CDH13: variants seen among roughly 807,000 people sequenced by gnomAD.
CDH13 encodes cadherin-13.
Under a neutral mutation model 63.8 loss-of-function variants are expected in CDH13, and 24 were observed. The observed-to-expected ratio is 0.38, with a 90% CI of 0.27 to 0.53. The LOEUF (loss-of-function observed/expected upper bound fraction) is 0.53. CDH13 is among the 20% of genes least tolerant of loss of function. The pLI, the probability that CDH13 is intolerant of heterozygous loss-of-function variation, is 0.85. For missense variants in CDH13, 1,049 were observed against 903.1 expected, an observed-to-expected ratio of 1.16 and a Z score of -2.07; for synonymous variants, 503 against 355.3, an observed-to-expected ratio of 1.42 and a Z score of -4.67.
intron 7 of CDH13, among the ~76,000 whole-genome samples, chr16:83,554,459 T>C (rs1472103418): frequency 6.6e-6 from 1 of 152,120 alleles, no homozygotes; most frequent in Non-Finnish European, 1.5e-5. Flanking sequence ...AGCATGGCTG[T>C]GAAGGAAGGG....
At chr16:82,645,788 A>G (rs773698194) in intron 1 of CDH13, among the ~76,000 whole-genome samples, 4 of 152,238 alleles carry the variant, frequency 2.6e-5, no homozygotes, top group Non-Finnish European at 4.4e-5. Context: ...CTCTTGGGTA[A>G]ATACGCACTT....
intron 2 of CDH13, among the ~76,000 whole-genome samples, chr16:82,987,072 G>A (rs1911035853): frequency 6.6e-6 from 1 of 152,126 alleles, no homozygotes; most frequent in Admixed American, 6.5e-5. Flanking sequence ...GGCTACTCAG[G>A]AAATGTTTAT....
chr16:82,666,458 C>A lies in CDH13; in HGVS notation c.45+39321C>A, dbSNP rs562756000. On this transcript the variant is annotated intron_variant, in intron 1 of 13. Coordinates refer to ENST00000567109, the MANE Select transcript of CDH13 (RefSeq NM_001257.5). ...TGCTTGTTCCTTCCACATGGAGACCCATACTTGAATACTTGGTGGGTACCT... is the reference window on the plus strand; with the variant it reads ...TGCTTGTTCCTTCCACATGGAGACCAATACTTGAATACTTGGTGGGTACCT... Among the ~76,000 whole-genome samples, 32 of 152,300 alleles carry A rather than the reference C, an allele frequency of 2.1e-4. 1 individual carries two copies. In the South Asian group the frequency reaches 6.0e-3, roughly 29 times the overall value.
intron 10 of CDH13, among the ~76,000 whole-genome samples, chr16:83,719,228 G>C (rs1263019404): frequency 1.3e-5 from 2 of 152,182 alleles, no homozygotes; most frequent in Non-Finnish European, 2.9e-5. Flanking sequence ...AACTTGTCAA[G>C]CTTTGTTCTC....
intron 3 of CDH13, among the ~76,000 whole-genome samples, chr16:83,056,783 C>G (rs901397193): frequency 9.2e-5 from 14 of 152,020 alleles, no homozygotes; most frequent in Non-Finnish European, 1.2e-4. Context: ...CCATGCTGTT[C>G]TCGTGATAGT....
intron 6 of CDH13, among the ~76,000 whole-genome samples, chr16:83,368,896 A>G (rs1426450084): frequency 6.4e-5 from 2 of 31,276 alleles, no homozygotes; most frequent in Non-Finnish European, 1.2e-4. Context: ...ATATATATAT[A>G]TATATATATA....
chr16:83,689,082 C>T (rs1213341304), intron 10 of CDH13, among the ~76,000 whole-genome samples: 1 of 152,172 alleles, frequency 6.6e-6, no homozygotes, highest in Non-Finnish European at 1.5e-5. Context: ...TTTTAACATC[C>T]ATCTACATAT....
chr16:83,071,953 G>A (rs185975813), intron 3 of CDH13, among the ~76,000 whole-genome samples: 7 of 152,008 alleles, frequency 4.6e-5, no homozygotes, highest in African/African-American at 1.4e-4. Context: ...CTAAACTAAC[G>A]TCAAAGAGAC....
chr16:82,757,773 C>A (rs1228900587), intron 1 of CDH13, among the ~76,000 whole-genome samples: 3 of 151,732 alleles, frequency 2.0e-5, no homozygotes, highest in African/African-American at 7.3e-5. Context: ...TTCGGAGTAG[C>A]TGGGACTATA....
intron 5 of CDH13, among the ~76,000 whole-genome samples, chr16:83,227,066 G>C (rs1423008438): frequency 1.3e-5 from 2 of 152,168 alleles, no homozygotes; most frequent in East Asian, 3.8e-4. Context: ...GAAGACCCTT[G>C]GGTTCGAGAA....
chr16:83,036,771 A>C (rs1916898554), intron 3 of CDH13, among the ~76,000 whole-genome samples: 1 of 152,096 alleles, frequency 6.6e-6, no homozygotes, highest in African/African-American at 2.4e-5. Flanking sequence ...GCCTAGATGC[A>C]ATTCATCTTC....
chr16:83,509,894 G>A (rs945845544), intron 7 of CDH13, among the ~76,000 whole-genome samples: 1 of 152,180 alleles, frequency 6.6e-6, no homozygotes, highest in Non-Finnish European at 1.5e-5. Flanking sequence ...GAGGGTAGAT[G>A]ACTGGCTCAA....
At chr16:83,142,869 G>A (rs866562916) in intron 4 of CDH13, among the ~76,000 whole-genome samples, 4 of 152,164 alleles carry the variant, frequency 2.6e-5, no homozygotes, top group African/African-American at 9.6e-5. Flanking sequence ...TTGGGAGGCC[G>A]AGGCGGGCAG....
At chr16:83,032,249 C>T in intron 3 of CDH13, 31 bp downstream of exon 3, 2 of 1,556,598 alleles carry the variant, frequency 1.3e-6, no homozygotes, top group Non-Finnish European at 1.8e-6. Flanking sequence ...AACTTGGGTT[C>T]AAGGAGGACA....
chr16:83,329,437 A>G (rs551125225), intron 5 of CDH13, among the ~76,000 whole-genome samples: 4 of 150,312 alleles, frequency 2.7e-5, no homozygotes, highest in Admixed American at 2.7e-4. Flanking sequence ...GGGTTTCGCC[A>G]TGTTGGCGAG....
At chr16:83,484,197 G>A (rs1472723307) in intron 6 of CDH13, among the ~76,000 whole-genome samples, 2 of 152,182 alleles carry the variant, frequency 1.3e-5, no homozygotes, top group Admixed American at 6.5e-5. Context: ...AAAAAAAACT[G>A]GCTTTGATGA....
chr16:83,000,406 G>A (rs12933160), intron 2 of CDH13, among the ~76,000 whole-genome samples: 3 of 149,994 alleles, frequency 2.0e-5, no homozygotes, highest in Admixed American at 6.6e-5. Flanking sequence ...CCGCCACCAC[G>A]CCCAGCTAAT....
intron 4 of CDH13, among the ~76,000 whole-genome samples, chr16:83,192,012 G>A (rs1432453886): frequency 2.0e-5 from 3 of 152,084 alleles, no homozygotes; most frequent in Non-Finnish European, 4.4e-5. Flanking sequence ...TGATATGACG[G>A]TTAAAGGGGA....
chr16:83,101,588 G>A (rs2034481068), intron 3 of CDH13, among the ~76,000 whole-genome samples: 1 of 152,122 alleles, frequency 6.6e-6, no homozygotes, highest in East Asian at 1.9e-4. Context: ...GAGGTCAGGA[G>A]TTCGAGACCA....
Sources: allele counts gnomAD v4.1 joint callset (sites outside exome capture counted in the v4.1 genomes callset), GRCh38; gene constraint gnomAD v4.1.1; transcripts MANE v1.5; gene names NCBI Gene and HGNC (gene_info 2026-07-23, HGNC 2026-07-21).